Variants in R3HDM2 observed in about 807,000 individuals in gnomAD.
R3HDM2 encodes the protein R3H domain containing 2.
In R3HDM2, 38 loss-of-function variants were observed where a neutral mutation model predicts 124.5. The observed-to-expected ratio is 0.31, with a 90% CI of 0.24 to 0.40. R3HDM2 has a LOEUF of 0.40. R3HDM2 is among the 10% of genes least tolerant of loss of function. The probability of loss-of-function intolerance (pLI) is 1.00; values close to 1 mark genes in which losing one functional copy is unlikely to be tolerated. For missense variants in R3HDM2, 869 were observed against 1,236.9 expected (o/e 0.70, Z 4.46); for synonymous variants, 391 against 448.0 (o/e 0.87, Z 1.61).
At chr12:57,299,500 C>A (rs1566032582) in intron 5 of R3HDM2, 22 bp from the exon 6 acceptor site, 15 of 1,538,838 alleles carry the variant, frequency 9.7e-6, no homozygotes, top group Middle Eastern at 1.8e-4. Context: ...AAAGGATAAT[C>A]AAAGGGGGAA....
chr12:57,399,257 C>T (rs1457069075), intron 1 of R3HDM2, among the ~76,000 whole-genome samples: 2 of 151,924 alleles, frequency 1.3e-5, no homozygotes, highest in Admixed American at 6.6e-5. Context: ...CAAAAATTAG[C>T]GGGGCATGGT....
intron 2 of R3HDM2, among the ~76,000 whole-genome samples, chr12:57,380,551 C>A (rs1317930513): frequency 1.3e-5 from 2 of 152,128 alleles, no homozygotes; most frequent in African/African-American, 4.8e-5. Context: ...GGTACTTATT[C>A]AAAGACACAA....
chr12:57,361,018 C>T (rs1232188927), intron 2 of R3HDM2, among the ~76,000 whole-genome samples: 1 of 136,672 alleles, frequency 7.3e-6, no homozygotes, highest in African/African-American at 2.8e-5. Context: ...ACCACTGCCT[C>T]CAGCCTGGGC....
chr12:57,278,986 A>AGG (rs1214969190), intron 14 of R3HDM2, among the ~76,000 whole-genome samples: 1 of 152,062 alleles, frequency 6.6e-6, no homozygotes, highest in Non-Finnish European at 1.5e-5. Flanking sequence ...TAATAAGCAG[A>AGG]GGGATGAGGG....
At chr12:57,329,964 G>A (rs888244376) in intron 2 of R3HDM2, among the ~76,000 whole-genome samples, 10 of 151,984 alleles carry the variant, frequency 6.6e-5, no homozygotes, top group Admixed American at 6.6e-5. Context: ...TTCCTTCTCA[G>A]ATTTTTGTTG....
intron 2 of R3HDM2, among the ~76,000 whole-genome samples, chr12:57,346,753 T>C (rs1296966799): frequency 6.6e-5 from 10 of 152,208 alleles, no homozygotes; most frequent in African/African-American, 2.2e-4. Flanking sequence ...TGATTACATA[T>C]AATAGACTAT....
At chr12:57,310,618 T>TAA (rs202076039) in intron 2 of R3HDM2, among the ~76,000 whole-genome samples, 155 bp from the exon 3 acceptor site, 1 of 145,562 alleles carries the variant, frequency 6.9e-6, no homozygotes, top group African/African-American at 2.5e-5. Flanking sequence ...TTCATTTCTT[T>TAA]AAAAAAAAAA....
At chr12:57,343,213 G>A (rs1276413675) in intron 2 of R3HDM2, among the ~76,000 whole-genome samples, 3 of 141,240 alleles carry the variant, frequency 2.1e-5, no homozygotes, top group Admixed American at 7.3e-5. Flanking sequence ...TTTTTGAGAC[G>A]GAGTTTCACT....
intron 19 of R3HDM2, among the ~76,000 whole-genome samples, chr12:57,265,380 G>A (rs140328467): frequency 6.6e-5 from 10 of 152,174 alleles, no homozygotes; most frequent in Admixed American, 5.2e-4. Context: ...GTTAAAAAGC[G>A]TTTTATCAAC....
intron 1 of R3HDM2, among the ~76,000 whole-genome samples, chr12:57,401,819 T>C (rs1446241646): frequency 6.7e-6 from 1 of 149,132 alleles, no homozygotes. Flanking sequence ...CCCCTGCCTC[T>C]ACTAAAAATA....
intron 2 of R3HDM2, among the ~76,000 whole-genome samples, chr12:57,382,864 A>G (rs1166589816): frequency 1.3e-5 from 2 of 151,700 alleles, no homozygotes; most frequent in Non-Finnish European, 2.9e-5. Flanking sequence ...AAAAAATAAA[A>G]TAATTTTTAT....
At chr12:57,337,683 C>G (rs2059034516) in intron 2 of R3HDM2, among the ~76,000 whole-genome samples, 1 of 152,076 alleles carries the variant, frequency 6.6e-6, no homozygotes, top group Non-Finnish European at 1.5e-5. Flanking sequence ...GTGTAAAGAT[C>G]TTGGGTTAGC....
chr12:57,375,214 A>G (rs918113763), intron 2 of R3HDM2, among the ~76,000 whole-genome samples: 1 of 152,154 alleles, frequency 6.6e-6, no homozygotes, highest in Non-Finnish European at 1.5e-5. Context: ...ACCTCTCTTC[A>G]TAAGTCTGAG....
intron 2 of R3HDM2, among the ~76,000 whole-genome samples, chr12:57,332,547 G>T (rs2058349615): frequency 6.6e-6 from 1 of 151,986 alleles, no homozygotes; most frequent in Non-Finnish European, 1.5e-5. Flanking sequence ...TTCAGATCAG[G>T]ATGGCTTTCC....
intron 1 of R3HDM2, among the ~76,000 whole-genome samples, chr12:57,423,932 T>C (rs1366410311): frequency 1.4e-5 from 2 of 147,190 alleles, no homozygotes; most frequent in African/African-American, 5.0e-5. Context: ...CTGACCAACA[T>C]GGAGAAAACC....
intron 2 of R3HDM2, among the ~76,000 whole-genome samples, chr12:57,339,590 T>C (rs2059300337): frequency 6.6e-6 from 1 of 151,672 alleles, no homozygotes; most frequent in Admixed American, 6.6e-5. Context: ...GCCAGCTACT[T>C]GGGAGGCTGA....
At chr12:57,394,038 T>C (rs750099566) in intron 2 of R3HDM2, among the ~76,000 whole-genome samples, 1 of 152,094 alleles carries the variant, frequency 6.6e-6, no homozygotes, top group African/African-American at 2.4e-5. Context: ...TGGTGGCTCA[T>C]ATCTGTAATC....
intron 1 of R3HDM2, among the ~76,000 whole-genome samples, chr12:57,419,300 T>C (rs546775048): frequency 2.2e-4 from 34 of 152,080 alleles, no homozygotes; most frequent in African/African-American, 7.7e-4. Flanking sequence ...AGTGCCACCA[T>C]GCCTGGCTAA....
At chr12:57,316,174 G>A (rs2054978240) in intron 2 of R3HDM2, among the ~76,000 whole-genome samples, 1 of 152,154 alleles carries the variant, frequency 6.6e-6, no homozygotes, top group Non-Finnish European at 1.5e-5. Context: ...TTCTTACACT[G>A]AGAAAAATGA....
Sources: gnomAD v4.1 joint callset for allele counts (sites outside exome capture counted in the v4.1 genomes callset) on GRCh38, gnomAD v4.1.1 for gene constraint, MANE v1.5 for transcripts, NCBI Gene and HGNC (gene_info 2026-07-23, HGNC 2026-07-21) for gene names.